The following CAPS2 variants were observed in gnomAD, a reference collection of about 807,000 sequenced individuals.
The protein encoded by CAPS2 is calcyphosin-2.
CAPS2 carries 98 observed loss-of-function variants against 86.5 expected under a neutral mutation model. The ratio of observed to expected loss-of-function variants is 1.13; its 90% CI spans 0.96 to 1.34. CAPS2 has a LOEUF of 1.34. Ranked by LOEUF, CAPS2 falls within the 40% of genes most tolerant of loss-of-function variation. The probability of loss-of-function intolerance (pLI) is 0.00; values close to 1 mark genes in which losing one functional copy is unlikely to be tolerated. For synonymous variants in CAPS2, 210 were observed against 225.1 expected (o/e 0.93, Z 0.60); for missense variants, 729 against 686.8 (o/e 1.06, Z -0.69).
intron 1 of CAPS2, among the ~76,000 whole-genome samples, chr12:75,351,548 TTG>T (rs201550709): frequency 0.036 from 5,223 of 145,898 alleles, 92 homozygotes; most frequent in East Asian, 0.048. Context: ...CTGTTTTGTT[TTG>T]TTTTTTTTTT....
intron 1 of CAPS2, among the ~76,000 whole-genome samples, chr12:75,338,180 G>C (rs914266980): frequency 2.6e-5 from 4 of 152,032 alleles, no homozygotes; most frequent in Non-Finnish European, 5.9e-5. Context: ...GCTCAATATA[G>C]ATGCAAAAAA....
intron 11 of CAPS2, 93 bp downstream of exon 11, chr12:75,298,594 T>C: frequency 1.1e-6 from 1 of 897,814 alleles, no homozygotes; most frequent in South Asian, 1.5e-5. Flanking sequence ...AGGAAATAAA[T>C]TGAAGACTAG....
At chr12:75,381,930 G>A (rs1238718500) in intron 1 of CAPS2, among the ~76,000 whole-genome samples, 1 of 152,140 alleles carries the variant, frequency 6.6e-6, no homozygotes, top group African/African-American at 2.4e-5. Flanking sequence ...AAATTTGAAT[G>A]GCTCCCTGTG....
chr12:75,344,056 T>A (rs566300709), intron 1 of CAPS2: 1 of 775,732 alleles, frequency 1.3e-6, no homozygotes, highest in African/African-American at 1.8e-5. Flanking sequence ...ATTTTTTCCT[T>A]TATCATAGGT....
chr12:75,389,437 A>G (rs2045460825), intron 1 of CAPS2, among the ~76,000 whole-genome samples: 1 of 152,192 alleles, frequency 6.6e-6, no homozygotes, highest in Non-Finnish European at 1.5e-5. Context: ...ATCACCTGTC[A>G]GTGATGTTCC....
chr12:75,378,999 A>G (rs1268815917), intron 1 of CAPS2, among the ~76,000 whole-genome samples: 2 of 152,194 alleles, frequency 1.3e-5, no homozygotes, highest in Non-Finnish European at 2.9e-5. Context: ...ACATGTATGT[A>G]GAGTATATTT....
At chr12:75,300,488 G>A (rs1011022302) in intron 8 of CAPS2, among the ~76,000 whole-genome samples, 9 of 148,102 alleles carry the variant, frequency 6.1e-5, no homozygotes, top group Non-Finnish European at 8.9e-5. Flanking sequence ...CCCGGGAGGC[G>A]GAGCTTGCAG....
intron 1 of CAPS2, among the ~76,000 whole-genome samples, chr12:75,367,268 GAAAAAAA>G (rs35250320): frequency 2.1e-4 from 19 of 88,740 alleles, no homozygotes; most frequent in South Asian, 8.3e-4. Context: ...TTCCTAGGAG[GAAAAAAA>G]AAAAAAAAAA....
chr12:75,304,743 T>TA lies in CAPS2; in HGVS notation c.779+13dup. On this transcript the variant is annotated intron_variant, in intron 8 of 16. Transcript: ENST00000393284. ...ATAGTGCATCCTCATTTTATGTAAT[T>TA]AAAATCTTCTTACTTTGTTTCATGT... The TA allele has an allele frequency of 6.4e-7, 1 of 1,556,436 alleles. No homozygotes were observed. Among genetic ancestry groups the TA allele is most frequent in the Non-Finnish European group, 8.8e-7 (1 of 1,140,888 alleles).
chr12:75,333,806 AAAGGT>A (rs2041512886), upstream of CAPS2: 2 of 152,232 alleles, frequency 1.3e-5, no homozygotes, highest in African/African-American at 4.8e-5. Context: ...ATTACTAAGT[AAAGGT>A]ATTTATTTGA....
exon 17 of CAPS2, chr12:75,278,720 C>T: frequency 7.5e-7 from 1 of 1,325,794 alleles, no homozygotes; most frequent in Non-Finnish European, 9.6e-7. Flanking sequence ...GGATAGTTCT[C>T]TTTCCAAATT....
At chr12:75,330,827 C>G (rs1395573856), upstream of CAPS2, among the ~76,000 whole-genome samples, 1 of 151,728 alleles carries the variant, frequency 6.6e-6, no homozygotes, top group Non-Finnish European at 1.5e-5. Flanking sequence ...TCTTGTTGCC[C>G]AGGCTGGAGT....
At chr12:75,281,786 A>T (rs890782131) in intron 16 of CAPS2, among the ~76,000 whole-genome samples, 1 of 152,034 alleles carries the variant, frequency 6.6e-6, no homozygotes, top group Non-Finnish European at 1.5e-5. Context: ...AAATCTCCAG[A>T]GTTACTTTAG....
upstream of CAPS2, among the ~76,000 whole-genome samples, chr12:75,326,793 A>T (rs1015552241): frequency 3.3e-5 from 5 of 152,168 alleles, no homozygotes; most frequent in African/African-American, 1.2e-4. Flanking sequence ...GATGTGTTTG[A>T]ATTAAGAATT....
At chr12:75,347,232 A>C (rs1388434965) in intron 1 of CAPS2, among the ~76,000 whole-genome samples, 3 of 152,104 alleles carry the variant, frequency 2.0e-5, no homozygotes, top group African/African-American at 7.2e-5. Context: ...TCTGAGAAAA[A>C]CAAATAAATG....
chr12:75,341,427 T>C (rs1425054202), intron 1 of CAPS2, among the ~76,000 whole-genome samples: 1 of 152,100 alleles, frequency 6.6e-6, no homozygotes, highest in African/African-American at 2.4e-5. Context: ...AGGATTCTAT[T>C]TATATAACAT....
chr12:75,276,358 C>T (rs2032931128), downstream of CAPS2: 1 of 1,412,764 alleles, frequency 7.1e-7, no homozygotes, highest in East Asian at 2.8e-5. Context: ...GCCTAATGTA[C>T]ACAATTCTCT....
chr12:75,281,062 C>T (rs557574814), intron 16 of CAPS2, among the ~76,000 whole-genome samples: 1 of 151,998 alleles, frequency 6.6e-6, no homozygotes, highest in Admixed American at 6.6e-5. Context: ...GTAGGTTTAA[C>T]CTCCCTAGTA....
At chr12:75,369,695 C>G in intron 1 of CAPS2, 2 of 984,990 alleles carry the variant, frequency 2.0e-6, no homozygotes, top group South Asian at 9.4e-5. Context: ...AAGTTAACTA[C>G]TTTATAGCTT....
Sources: allele counts gnomAD v4.1 joint callset (sites outside exome capture counted in the v4.1 genomes callset), GRCh38; gene constraint gnomAD v4.1.1; transcripts MANE v1.5; gene names NCBI Gene and HGNC (gene_info 2026-07-23, HGNC 2026-07-21).